Variants in AGO3 observed in about 807,000 individuals in gnomAD.
AGO3 encodes the protein argonaute RISC catalytic component 3, also known as protein argonaute-3.
Under a neutral mutation model 105.5 loss-of-function variants are expected in AGO3, and 16 were observed. The observed-to-expected ratio is 0.15, with a 90% CI of 0.10 to 0.23. The LOEUF (loss-of-function observed/expected upper bound fraction) is 0.23. Ranked by LOEUF, AGO3 falls within the 10% of genes least tolerant of loss-of-function variation. The pLI is 1.00. For missense variants in AGO3, 534 were observed against 1,088.0 expected, an observed-to-expected ratio of 0.49 and a Z score of 7.16; for synonymous variants, 340 against 367.3, an observed-to-expected ratio of 0.93 and a Z score of 0.85.
chr1:35,988,541 T>C (rs900529250), intron 5 of AGO3, among the ~76,000 whole-genome samples: 1 of 152,014 alleles, frequency 6.6e-6, no homozygotes, highest in African/African-American at 2.4e-5. Flanking sequence ...TTTGTCTTTC[T>C]GTGTCTTGCT....
intron 2 of AGO3, among the ~76,000 whole-genome samples, chr1:35,966,182 G>A (rs1480274973): frequency 6.6e-6 from 1 of 152,138 alleles, no homozygotes; most frequent in Non-Finnish European, 1.5e-5. Flanking sequence ...CATTCTCATT[G>A]TAATATATTT....
chr1:36,034,958 A>G (rs1486999562), intron 13 of AGO3, among the ~76,000 whole-genome samples: 1 of 152,246 alleles, frequency 6.6e-6, no homozygotes, highest in African/African-American at 2.4e-5. Context: ...GAGGTAGCTT[A>G]TTGTGCAAGT....
intron 1 of AGO3, among the ~76,000 whole-genome samples, chr1:35,945,378 C>G (rs1237450048): frequency 2.1e-4 from 32 of 151,936 alleles, no homozygotes; most frequent in Non-Finnish European, 2.9e-5. Context: ...TTTAACTTTA[C>G]TTTGCTATTG....
intron 9 of AGO3, among the ~76,000 whole-genome samples, chr1:36,010,643 C>A (rs527317759): frequency 1.9e-4 from 29 of 150,820 alleles, no homozygotes; most frequent in Admixed American, 1.2e-3. Context: ...TGCGGTGGCT[C>A]ATGCCTGTAA....
At chr1:35,986,804 T>C (rs904065976) in intron 5 of AGO3, among the ~76,000 whole-genome samples, 2 of 151,718 alleles carry the variant, frequency 1.3e-5, no homozygotes, top group Non-Finnish European at 2.9e-5. Flanking sequence ...GAGACCAGCC[T>C]GGCCAACATG....
chr1:36,071,213 T>TACAAA lies in AGO3; in HGVS notation c.*15475_*15479dup. On this transcript the variant is annotated 3_prime_UTR_variant, in exon 19 of 19. Coordinates refer to ENST00000373191, the MANE Select transcript of AGO3 (RefSeq NM_024852.4). The stretch of plus-strand genomic sequence containing the variant: ...CTAAAAACAAAACAAAACAAAACAA[T>TACAAA]ACAAAACAAAAAAAACCCTAAGTAA... The TACAAA allele has an allele frequency of 6.6e-6, 1 of 151,314 alleles. No individual in the cohort carries two copies. The highest frequency in any genetic ancestry group is 6.6e-5 in the Admixed American group (1 of 15,184). The allele number at this position is 151,314 out of a possible 1,614,324, so 9.4% of individuals were successfully genotyped here. A position where few individuals can be genotyped will look rare whatever the true frequency, so the allele number is the denominator to read the frequency against.
chr1:35,975,045 T>C (rs1161379548), intron 5 of AGO3, among the ~76,000 whole-genome samples: 1 of 152,194 alleles, frequency 6.6e-6, no homozygotes, highest in Non-Finnish European at 1.5e-5. Context: ...ATACTAGGGT[T>C]ATTTTTAACT....
intron 17 of AGO3, among the ~76,000 whole-genome samples, chr1:36,047,517 A>C (rs1642525954): frequency 6.6e-6 from 1 of 152,150 alleles, no homozygotes; most frequent in Non-Finnish European, 1.5e-5. Flanking sequence ...ACCAGTAAGC[A>C]AATAAATATT....
In AGO3 at chr1:36,055,044, C is replaced by T. The variant is rs148771081; in HGVS notation, c.2373C>T (p.Tyr791=). Residue 791 remains tyrosine (Y), a synonymous_variant, in exon 18 of 19, where the codon TAC becomes TAT. Transcript: ENST00000373191. This position sits in a 1 kb window ranked among gnomAD's most constrained non-coding sequence, Gnocchi z 4.4. ...QLLTYQLCHT[Y]VRCTRSVSIP... ...TAACTTACCAGCTCTGCCACACTTA[C>T]GTACGCTGTACACGATCTGTTTCTA... 150 of 1,614,178 alleles carry T rather than the reference C, an allele frequency of 9.3e-5. No homozygotes were observed. The African/African-American group carries it at 1.6e-3, about 17-fold the overall frequency.
intron 16 of AGO3, among the ~76,000 whole-genome samples, chr1:36,041,235 CTTTTTTTTTT>C (rs958423621): frequency 1.2e-5 from 1 of 86,420 alleles, no homozygotes; most frequent in South Asian, 4.1e-4. Flanking sequence ...AATATGTTTT[CTTTTTTTTTT>C]TTTTTTTTTT....
At chr1:36,003,277 A>G (rs536949426) in intron 5 of AGO3, among the ~76,000 whole-genome samples, 13 of 152,222 alleles carry the variant, frequency 8.5e-5, no homozygotes, top group African/African-American at 3.1e-4. Flanking sequence ...GAAATGAGTG[A>G]TGGTGATCTG....
Position 35,974,460 on chromosome 1 carries a change from C to T in AGO3, c.658+949C>T, listed in dbSNP as rs541391898. On this transcript the variant is annotated intron_variant, in intron 5 of 18. Coordinates refer to ENST00000373191, the MANE Select transcript of AGO3 (RefSeq NM_024852.4). ...GTCTTTTTGTTTTCTTGTGTTATTA[C>T]CTTGTTCCTCTATCCCCTGTTTTTT... 1.5e-4 allele frequency among the ~76,000 whole-genome samples: 23 copies of T among 152,256 alleles called. No homozygotes were observed. In the East Asian group the frequency reaches 4.4e-3, roughly 29 times the overall value.
Position 36,027,054 on chromosome 1 carries a change from C to G in AGO3, c.1407-60C>G. On this transcript the variant is annotated intron_variant, in intron 11 of 18. Transcript: ENST00000373191. This position sits in a 1 kb window ranked among gnomAD's most constrained non-coding sequence, Gnocchi z 4.0. ...CATTCCCTTCCCAAACTTCCCATTA[C>G]TACTTTGTAGGAATTCATGACTAGA... The G allele has an allele frequency of 6.5e-7, 1 of 1,533,900 alleles. No homozygotes were observed. Among genetic ancestry groups the G allele is most frequent in the Non-Finnish European group, 8.8e-7 (1 of 1,135,500 alleles).
In AGO3 at chr1:36,071,163, A is replaced by G. The variant is rs1229306538; in HGVS notation, c.*15418A>G. 1 of 152,186 alleles carries G rather than the reference A, an allele frequency of 6.6e-6. No individual in the cohort carries two copies. Among genetic ancestry groups the G allele is most frequent in the Non-Finnish European group, 1.5e-5 (1 of 68,042 alleles). The allele number at this position is 152,186 out of a possible 1,614,324, so 9.4% of individuals were successfully genotyped here. On this transcript the variant is annotated 3_prime_UTR_variant, in exon 19 of 19. Coordinates refer to ENST00000373191, the MANE Select transcript of AGO3 (RefSeq NM_024852.4). Reference sequence around the variant, plus strand: ...AAACATACACCCCTAAAGCGTAGCTAACTGCTCCCACTAGATAATTGCTGC... The same window carrying G: ...AAACATACACCCCTAAAGCGTAGCTGACTGCTCCCACTAGATAATTGCTGC...
intron 12 of AGO3, among the ~76,000 whole-genome samples, chr1:36,028,931 T>C (rs1467310765): frequency 1.3e-5 from 2 of 152,190 alleles, no homozygotes; most frequent in South Asian, 2.1e-4. Context: ...TCCTTAAACC[T>C]TGGGCTCCCA....
rs1192173773 is a variant in AGO3 at position 36,069,339 on chromosome 1, A to C, written c.*13594A>C. The C allele has an allele frequency of 6.6e-6, 1 of 152,230 alleles. No homozygotes were observed. Among genetic ancestry groups the C allele is most frequent in the Non-Finnish European group, 1.5e-5 (1 of 68,056 alleles). 9.4% of individuals were successfully genotyped at this position (152,230 alleles called of 1,614,324 possible). ...GGCTGATCTCTAACTCCTGAGCTCA[A>C]GCAGTCCTCCTGCCTCAGCCACCCA... On this transcript the variant is annotated 3_prime_UTR_variant, in exon 19 of 19. Coordinates refer to ENST00000373191, the MANE Select transcript of AGO3 (RefSeq NM_024852.4).
chr1:35,933,581 G>T (rs1161865618), intron 1 of AGO3, among the ~76,000 whole-genome samples: 1 of 133,688 alleles, frequency 7.5e-6, no homozygotes, highest in Non-Finnish European at 1.5e-5. Flanking sequence ...GGCAGAGATT[G>T]CAGTGAGCTA....
intron 5 of AGO3, among the ~76,000 whole-genome samples, chr1:35,975,808 G>T (rs1200296008): frequency 6.6e-6 from 1 of 151,920 alleles, no homozygotes; most frequent in African/African-American, 2.4e-5. Context: ...GGACAAATTG[G>T]CATATTTAAG....
At chr1:36,012,446 A>C (rs1408214138) in intron 9 of AGO3, among the ~76,000 whole-genome samples, 1 of 152,258 alleles carries the variant, frequency 6.6e-6, no homozygotes, top group East Asian at 1.9e-4. Flanking sequence ...ACACTGAATT[A>C]CATGAAGTTC....
Sources: allele counts gnomAD v4.1 joint callset (sites outside exome capture counted in the v4.1 genomes callset), GRCh38; gene constraint gnomAD v4.1.1; non-coding constraint Gnocchi (gnomAD v3.1); transcripts MANE v1.5; gene names NCBI Gene and HGNC (gene_info 2026-07-23, HGNC 2026-07-21).